The following FGFR1OP2 variants were observed in gnomAD, a reference collection of about 807,000 sequenced individuals.
The protein encoded by FGFR1OP2 is fibroblast growth factor receptor 1 oncogene partner 2.
Under a neutral mutation model 35.2 loss-of-function variants are expected in FGFR1OP2, and 17 were observed. The observed-to-expected ratio is 0.48, with a 90% CI of 0.33 to 0.73. The LOEUF (loss-of-function observed/expected upper bound fraction) is 0.73. Ranked by LOEUF, FGFR1OP2 falls within the 30% of genes least tolerant of loss-of-function variation. The pLI, the probability that FGFR1OP2 is intolerant of heterozygous loss-of-function variation, is 0.02. For synonymous variants in FGFR1OP2, 105 were observed against 104.6 expected, an observed-to-expected ratio of 1.00 and a Z score of -0.03; for missense variants, 251 against 307.3, an observed-to-expected ratio of 0.82 and a Z score of 1.37.
At chr12:26,943,831 A>C (rs1938777351) in intron 1 of FGFR1OP2, among the ~76,000 whole-genome samples, 1 of 152,106 alleles carries the variant, frequency 6.6e-6, no homozygotes, top group Admixed American at 6.5e-5. Flanking sequence ...CTGTCTCAAA[A>C]AAAAGAAAAA....
intron 6 of FGFR1OP2, 39 bp from the exon 7 acceptor site, chr12:26,964,557 T>A: frequency 6.2e-7 from 1 of 1,601,350 alleles, no homozygotes; most frequent in Admixed American, 1.7e-5. Context: ...AGCTACCTTG[T>A]AGATAGTGAC....
intron 1 of FGFR1OP2, among the ~76,000 whole-genome samples, chr12:26,947,703 C>A (rs879943645): frequency 3.3e-5 from 5 of 152,068 alleles, no homozygotes; most frequent in Non-Finnish European, 7.4e-5. Context: ...TTTTAACCTA[C>A]CCATATCATA....
intron 4 of FGFR1OP2, among the ~76,000 whole-genome samples, chr12:26,960,222 C>T (rs907592807): frequency 2.0e-4 from 31 of 151,614 alleles, no homozygotes; most frequent in African/African-American, 6.6e-4. Flanking sequence ...AACAGAGTTA[C>T]ACATAACAGC....
rs1237823514 is a variant in FGFR1OP2 at position 26,964,799 on chromosome 12, G to A, written c.*66G>A. On this transcript the variant is annotated 3_prime_UTR_variant, in exon 7 of 7. Coordinates refer to ENST00000229395, the MANE Select transcript of FGFR1OP2 (RefSeq NM_015633.3). Reference sequence around the variant, plus strand: ...GGTCAAATAAGTGAATGAATGAATGGACAGAAAATTCAATCCTTTATTTTT... The same window carrying A: ...GGTCAAATAAGTGAATGAATGAATGAACAGAAAATTCAATCCTTTATTTTT... 2.0e-6 allele frequency: 3 copies of A among 1,536,410 alleles called. No individual in the cohort carries two copies. Among genetic ancestry groups the A allele is most frequent in the African/African-American group, 1.4e-5 (1 of 72,600 alleles).
chr12:26,944,253 C>A (rs530577751), intron 1 of FGFR1OP2, among the ~76,000 whole-genome samples: 1 of 152,102 alleles, frequency 6.6e-6, no homozygotes, highest in Non-Finnish European at 1.5e-5. Flanking sequence ...TCTTTTCCAG[C>A]CTGTATGGTT....
intron 1 of FGFR1OP2, among the ~76,000 whole-genome samples, chr12:26,949,476 A>G (rs1938881824): frequency 6.6e-6 from 1 of 152,150 alleles, no homozygotes; most frequent in Non-Finnish European, 1.5e-5. Flanking sequence ...AGCATGAATT[A>G]ACCAGTATCC....
chr12:26,939,477 C>T (rs1312725440), intron 1 of FGFR1OP2, among the ~76,000 whole-genome samples: 2 of 152,216 alleles, frequency 1.3e-5, no homozygotes, highest in Non-Finnish European at 2.9e-5. Flanking sequence ...CTTTAATATC[C>T]TACCATACAA....
chr12:26,943,932 A>G (rs1371185103), intron 1 of FGFR1OP2, among the ~76,000 whole-genome samples: 1 of 152,030 alleles, frequency 6.6e-6, no homozygotes, highest in Non-Finnish European at 1.5e-5. Context: ...TTTCATTAGC[A>G]TTTTGTAGTT....
At chr12:26,957,150 C>T (rs551881747) in intron 3 of FGFR1OP2, among the ~76,000 whole-genome samples, 1 of 152,270 alleles carries the variant, frequency 6.6e-6, no homozygotes, top group East Asian at 1.9e-4. Flanking sequence ...CTAAACACGT[C>T]ATCTGTTTTC....
In FGFR1OP2 at chr12:26,965,782, G is replaced by A. The variant is rs1188576613; in HGVS notation, c.*1049G>A. On this transcript the variant is annotated 3_prime_UTR_variant, in exon 7 of 7. Coordinates refer to ENST00000229395, the MANE Select transcript of FGFR1OP2 (RefSeq NM_015633.3). ...CTTTCAGCTGAAAGTGGGGGTAAAG[G>A]TGGAGTAATCTGTGGATTTGTTTCT... 1 of 152,000 alleles carries A rather than the reference G, an allele frequency of 6.6e-6. No individual in the cohort carries two copies. The highest frequency in any genetic ancestry group is 2.4e-5 in the African/African-American group (1 of 41,430). 9.4% of individuals were successfully genotyped at this position (152,000 alleles called of 1,614,324 possible).
At chr12:26,948,757 T>A (rs1196272977) in intron 1 of FGFR1OP2, among the ~76,000 whole-genome samples, 1 of 152,244 alleles carries the variant, frequency 6.6e-6, no homozygotes, top group East Asian at 1.9e-4. Flanking sequence ...TTTTATATTA[T>A]TGGATGACAA....
In FGFR1OP2 at chr12:26,965,628, C is replaced by G. The variant is rs1274130787; in HGVS notation, c.*895C>G. ...TGGGAATTCCTCTGGCTCATAGAACCCTTTTTTTTTTCCTTTAAGTATTCT... is the reference window on the plus strand; with the variant it reads ...TGGGAATTCCTCTGGCTCATAGAACGCTTTTTTTTTTCCTTTAAGTATTCT... On this transcript the variant is annotated 3_prime_UTR_variant, in exon 7 of 7. Transcript: ENST00000229395. The G allele has an allele frequency of 1.3e-5, 2 of 150,776 alleles. No individual in the cohort carries two copies. The highest frequency in any genetic ancestry group is 2.1e-4 in the South Asian group (1 of 4,790). 9.3% of individuals were successfully genotyped at this position (150,776 alleles called of 1,614,324 possible). A position where few individuals can be genotyped will look rare whatever the true frequency, so the allele number is the denominator to read the frequency against.
chr12:26,957,821 A>C, intron 4 of FGFR1OP2, 78 bp downstream of exon 4: 1 of 1,313,252 alleles, frequency 7.6e-7, no homozygotes, highest in Non-Finnish European at 1.0e-6. Flanking sequence ...TTTTTTGAAA[A>C]AAATCACAGG....
chr12:26,952,087 CT>C (rs34270981), intron 1 of FGFR1OP2, among the ~76,000 whole-genome samples: 48,578 of 117,118 alleles, frequency 0.41, 7,675 homozygotes, highest in East Asian at 0.62. Flanking sequence ...AGTGCCCGTC[CT>C]TTTTTTTTTT....
chr12:26,964,542 G>A, intron 6 of FGFR1OP2, 54 bp from the exon 7 acceptor site: 1 of 1,576,962 alleles, frequency 6.3e-7, no homozygotes, highest in Non-Finnish European at 8.7e-7. Flanking sequence ...TGTTTGTGAT[G>A]TTGTAGCTAC....
chr12:26,947,733 A>G (rs1456453816), intron 1 of FGFR1OP2, among the ~76,000 whole-genome samples: 2 of 152,160 alleles, frequency 1.3e-5, no homozygotes, highest in African/African-American at 2.4e-5. Context: ...AATTTTATAT[A>G]AACAATGCAT....
intron 1 of FGFR1OP2, among the ~76,000 whole-genome samples, chr12:26,949,196 C>G (rs905934004): frequency 1.3e-5 from 2 of 150,890 alleles, no homozygotes; most frequent in Non-Finnish European, 3.0e-5. Flanking sequence ...AGTGCAATGG[C>G]GCGATCTCAG....
At chr12:26,940,332 C>G (rs946845634) in intron 1 of FGFR1OP2, among the ~76,000 whole-genome samples, 1 of 152,086 alleles carries the variant, frequency 6.6e-6, no homozygotes, top group Non-Finnish European at 1.5e-5. Context: ...ATCTTTCTTC[C>G]AAGTTTAAAA....
intron 6 of FGFR1OP2, among the ~76,000 whole-genome samples, 199 bp from the exon 7 acceptor site, chr12:26,964,394 ATGT>A (rs1939144299): frequency 6.6e-6 from 1 of 152,160 alleles, no homozygotes; most frequent in Non-Finnish European, 1.5e-5. Context: ...GTGGTGGAAG[ATGT>A]TGAACACGAT....
Sources: gnomAD v4.1 joint callset for allele counts (sites outside exome capture counted in the v4.1 genomes callset) on GRCh38, gnomAD v4.1.1 for gene constraint, MANE v1.5 for transcripts, NCBI Gene and HGNC (gene_info 2026-07-23, HGNC 2026-07-21) for gene names.